The following BCL2L13 variants were observed in gnomAD, a reference collection of about 807,000 sequenced individuals.
BCL2L13 encodes BCL2 like 13.
BCL2L13 carries 13 observed loss-of-function variants against 25.8 expected under a neutral mutation model. That is an observed-to-expected ratio of 0.50 (90% CI 0.33 to 0.80). The LOEUF (loss-of-function observed/expected upper bound fraction) is 0.80, where lower values mean the gene tolerates loss of function less well. Among genes scored for constraint, BCL2L13 ranks in the 30% least tolerant of loss-of-function variants. BCL2L13 has a pLI of 0.02. For missense variants in BCL2L13, 504 were observed against 574.9 expected, an observed-to-expected ratio of 0.88 and a Z score of 1.26; for synonymous variants, 244 against 230.3, an observed-to-expected ratio of 1.06 and a Z score of -0.54.
intron 6 of BCL2L13, among the ~76,000 whole-genome samples, chr22:17,709,321 G>T (rs556657485): frequency 1.3e-5 from 2 of 151,894 alleles, no homozygotes; most frequent in Non-Finnish European, 2.9e-5. Flanking sequence ...GAGGCTGGAC[G>T]TGGTGGCTCA....
intron 5 of BCL2L13, among the ~76,000 whole-genome samples, chr22:17,696,510 A>G (rs1283811772): frequency 1.3e-5 from 2 of 152,146 alleles, no homozygotes; most frequent in African/African-American, 4.8e-5. Context: ...ATATTTATTA[A>G]CATGTGAGTG....
At chr22:17,712,589 C>T (rs2060793247) in intron 6 of BCL2L13, among the ~76,000 whole-genome samples, 2 of 152,108 alleles carry the variant, frequency 1.3e-5, no homozygotes, top group Admixed American at 1.3e-4. Flanking sequence ...AACAGATAAG[C>T]CTTTGGGTAT....
Position 17,698,487 on chromosome 22 carries a change from A to C in BCL2L13, c.456+2277A>C, listed in dbSNP as rs1427900565. Among the ~76,000 whole-genome samples, 11 of 146,908 alleles carry C rather than the reference A, an allele frequency of 7.5e-5. No individual in the cohort carries two copies. The East Asian group carries it at 2.3e-3, about 31-fold the overall frequency. On this transcript the variant is annotated intron_variant, in intron 5 of 6. Coordinates refer to ENST00000317582, the MANE Select transcript of BCL2L13 (RefSeq NM_015367.4). ...TGTAATCCCAGCACTTTAGAAGGCC[A>C]AGGCGGGAGGATCACTTACGCCCAG... is the stretch of plus-strand genomic sequence containing the variant.
chr22:17,648,120 CAAAAA>C (rs547174034), intron 1 of BCL2L13, among the ~76,000 whole-genome samples: 7 of 114,466 alleles, frequency 6.1e-5, no homozygotes, highest in Admixed American at 9.4e-5. Flanking sequence ...GACTCTGTCT[CAAAAA>C]AAAAAAAAGA....
chr22:17,654,423 T>C (rs1398929331), intron 1 of BCL2L13, among the ~76,000 whole-genome samples: 1 of 136,584 alleles, frequency 7.3e-6, no homozygotes, highest in Non-Finnish European at 1.6e-5. Context: ...TCTCTTTTTT[T>C]TTCTTCTGTT....
chr22:17,706,765 C>A, intron 6 of BCL2L13: 9 of 1,352,026 alleles, frequency 6.7e-6, no homozygotes, highest in Non-Finnish European at 8.8e-6. Context: ...ATTTCCTGGG[C>A]TTGTGTTGCT....
chr22:17,696,758 A>G (rs1601701391), intron 5 of BCL2L13, among the ~76,000 whole-genome samples: 1 of 152,278 alleles, frequency 6.6e-6, no homozygotes, highest in Admixed American at 6.5e-5. Flanking sequence ...GAATCCCTTG[A>G]CCAGTCAATA....
intron 1 of BCL2L13, among the ~76,000 whole-genome samples, chr22:17,647,439 T>C (rs2058534688): frequency 1.3e-5 from 2 of 152,266 alleles, no homozygotes; most frequent in South Asian, 4.1e-4. Context: ...TAGCTTTTTT[T>C]TCCCCCCGTC....
chr22:17,674,020 A>G lies in BCL2L13; in HGVS notation c.122-9194A>G, dbSNP rs535124233. On this transcript the variant is annotated intron_variant, in intron 2 of 6. Transcript: ENST00000317582. ...TTTCACACAAGTCTAGGACAAAGGA[A>G]GTATATCCCAAAGTGTTTGTAATCT... Among the ~76,000 whole-genome samples the G allele has an allele frequency of 3.9e-5, 6 of 152,308 alleles. No homozygotes were observed. The East Asian group carries it at 1.2e-3, about 29-fold the overall frequency.
At chr22:17,637,798 A>G (rs2058138136), upstream of BCL2L13, among the ~76,000 whole-genome samples, 8 of 152,300 alleles carry the variant, frequency 5.3e-5, no homozygotes, top group South Asian at 1.4e-3. Context: ...CACCAGCCCC[A>G]CAATAGCAGT....
intron 6 of BCL2L13, 148 bp from the exon 7 acceptor site, chr22:17,726,529 T>C: frequency 2.2e-6 from 2 of 907,774 alleles, no homozygotes; most frequent in Non-Finnish European, 3.2e-6. Context: ...GGCCTACAAA[T>C]ACATGCATTC....
chr22:17,664,685 T>C (rs768457432), intron 2 of BCL2L13, among the ~76,000 whole-genome samples: 1 of 152,206 alleles, frequency 6.6e-6, no homozygotes, highest in East Asian at 1.9e-4. Context: ...CCATACATCT[T>C]CTGAAATCTA....
At chr22:17,679,516 C>T (rs981753912) in intron 2 of BCL2L13, among the ~76,000 whole-genome samples, 39 of 151,790 alleles carry the variant, frequency 2.6e-4, no homozygotes, top group Non-Finnish European at 4.7e-4. Flanking sequence ...GTGATCCGCC[C>T]GCCTTGGCCT....
intron 1 of BCL2L13, among the ~76,000 whole-genome samples, chr22:17,645,778 G>A (rs768115936): frequency 1.3e-5 from 2 of 151,422 alleles, no homozygotes; most frequent in Non-Finnish European, 2.9e-5. Context: ...ACAGCATGAA[G>A]TTAGTCTAGG....
chr22:17,708,540 A>C (rs2060653714), intron 6 of BCL2L13, among the ~76,000 whole-genome samples: 1 of 152,240 alleles, frequency 6.6e-6, no homozygotes, highest in Non-Finnish European at 1.5e-5. Flanking sequence ...GATAAGAATT[A>C]TATAAGGGTT....
chr22:17,688,067 C>T (rs1271896043), intron 3 of BCL2L13, among the ~76,000 whole-genome samples: 1 of 152,160 alleles, frequency 6.6e-6, no homozygotes. Flanking sequence ...ATCTGCCCAG[C>T]CTTGGCCTCC....
chr22:17,706,688 C>G, intron 6 of BCL2L13: 1 of 1,347,374 alleles, frequency 7.4e-7, no homozygotes, highest in Non-Finnish European at 9.8e-7. Context: ...GGTGAGGGCA[C>G]AGACTGGTTC....
chr22:17,645,624 G>A (rs1415452503), intron 1 of BCL2L13, among the ~76,000 whole-genome samples: 1 of 151,532 alleles, frequency 6.6e-6, no homozygotes, highest in African/African-American at 2.4e-5. Context: ...CTGGAACTTG[G>A]ACTGGTACTT....
chr22:17,724,553 C>T (rs545539552), intron 6 of BCL2L13, among the ~76,000 whole-genome samples: 3 of 152,188 alleles, frequency 2.0e-5, no homozygotes, highest in East Asian at 1.9e-4. Flanking sequence ...AGTATGATGC[C>T]GACATCATGG....
Sources: allele counts gnomAD v4.1 joint callset (sites outside exome capture counted in the v4.1 genomes callset), GRCh38; gene constraint gnomAD v4.1.1; transcripts MANE v1.5; gene names NCBI Gene and HGNC (gene_info 2026-07-23, HGNC 2026-07-21).